The following ITIH2 variants were observed in gnomAD, a reference collection of about 807,000 sequenced individuals.
ITIH2 encodes inter-alpha-trypsin inhibitor heavy chain 2.
In ITIH2, 103 loss-of-function variants were observed where a neutral mutation model predicts 104.4. That is an observed-to-expected ratio of 0.99 (90% CI 0.84 to 1.16). ITIH2 has a LOEUF of 1.16. Among genes scored for constraint, ITIH2 ranks in the 50% most tolerant of loss-of-function variants. The probability of loss-of-function intolerance (pLI) is 0.00; values close to 1 mark genes in which losing one functional copy is unlikely to be tolerated. For synonymous variants in ITIH2, 436 were observed against 435.4 expected, an observed-to-expected ratio of 1.00 and a Z score of -0.02; for missense variants, 1,108 against 1,162.4, an observed-to-expected ratio of 0.95 and a Z score of 0.68.
intron 9 of ITIH2, among the ~76,000 whole-genome samples, chr10:7,726,627 G>T (rs1391302319): frequency 3.9e-5 from 6 of 152,204 alleles, no homozygotes; most frequent in Non-Finnish European, 8.8e-5. Flanking sequence ...GAGACTGGGT[G>T]AGTAGATGGA....
intron 5 of ITIH2, among the ~76,000 whole-genome samples, chr10:7,714,162 A>ACT (rs1834823896): frequency 8.2e-6 from 1 of 121,452 alleles, no homozygotes; most frequent in African/African-American, 3.3e-5. Context: ...CTGCACACTC[A>ACT]CTATTTTTTT....
At chr10:7,714,157 C>T (rs1038484506) in intron 5 of ITIH2, among the ~76,000 whole-genome samples, 7 of 147,492 alleles carry the variant, frequency 4.7e-5, no homozygotes, top group Non-Finnish European at 8.9e-5. Context: ...TTGCACTGCA[C>T]ACTCACTATT....
rs747566791 is a variant in ITIH2, at chr10:7,726,940, A to G, written c.985-10A>G. Reference sequence around the variant, plus strand: ...GTAATGGGACCTGTCTTTATTCTCTATTGAAATAGACTGTGGAAGCAATGA... The same window carrying G: ...GTAATGGGACCTGTCTTTATTCTCTGTTGAAATAGACTGTGGAAGCAATGA... On this transcript the variant is annotated splice_polypyrimidine_tract_variant and intron_variant, in intron 9 of 20. Transcript: ENST00000358415. 1.1e-5 allele frequency: 17 copies of G among 1,593,566 alleles called. No individual in the cohort carries two copies. Among genetic ancestry groups the G allele is most frequent in the Admixed American group, 1.7e-5 (1 of 57,770 alleles).
chr10:7,743,471 G>C (rs936575456), intron 17 of ITIH2, among the ~76,000 whole-genome samples: 1 of 151,958 alleles, frequency 6.6e-6, no homozygotes, highest in African/African-American at 2.4e-5. Context: ...ATCTTGTTGT[G>C]ATATAATTAA....
intron 20 of ITIH2, among the ~76,000 whole-genome samples, chr10:7,747,872 T>C (rs7093883): frequency 0.67 from 101,658 of 151,716 alleles, 34,498 homozygotes; most frequent in Non-Finnish European, 0.72. Context: ...GCACTCCAGC[T>C]TGGGTAACAG....
rs200726415 is a variant in ITIH2 at position 7,744,140 on chromosome 10, C to A, written c.2268C>A (p.Ser756Arg). 2.6e-4 allele frequency: 412 copies of A among 1,614,044 alleles called. No individual in the cohort carries two copies. The highest frequency in any genetic ancestry group is 3.2e-4 in the Non-Finnish European group (377 of 1,179,960). ...AGAAGCCCAACAATGGAAAACTAAG[C>A]ACCTATTTTGGAAAACTGGGATTTT... ...GAKKPNNGKL[S>R]TYFGKLGFYF... Residue 756 changes from serine to arginine, a missense_variant, in exon 18 of 21, where the codon AGC becomes AGA. Ser to Arg is a moderately radical substitution (Grantham distance 110). Coordinates refer to ENST00000358415, the MANE Select transcript of ITIH2 (RefSeq NM_002216.3).
chr10:7,741,743 C>G (rs1033627414), intron 16 of ITIH2, among the ~76,000 whole-genome samples: 6 of 59,250 alleles, frequency 1.0e-4, no homozygotes, highest in Admixed American at 2.6e-4. Flanking sequence ...AAGGCCCATT[C>G]TTGGTGTTTC....
rs2026610 is a variant in ITIH2 at position 7,709,537 on chromosome 10, G to T, written c.362+346G>T. Among the ~76,000 whole-genome samples, 797 of 151,974 alleles carry T rather than the reference G, an allele frequency of 5.2e-3. 3 individuals carry two copies. Among genetic ancestry groups the T allele is most frequent in the African/African-American group, 0.018 (756 of 41,434 alleles). ...AAGAGCGTGTGCACAGCAGGTCAAT[G>T]CCATCTGCCATATGTTTCTCTATGG... is the stretch of plus-strand genomic sequence containing the variant. On this transcript the variant is annotated intron_variant, in intron 4 of 20. Transcript: ENST00000358415.
chr10:7,704,340 C>A (rs1488392845), intron 1 of ITIH2, among the ~76,000 whole-genome samples: 1 of 152,334 alleles, frequency 6.6e-6, no homozygotes, highest in Non-Finnish European at 1.5e-5. Context: ...TATTTTCCAA[C>A]ACTTAAAAGC....
intron 17 of ITIH2, among the ~76,000 whole-genome samples, chr10:7,743,715 A>G (rs1471902325): frequency 6.6e-6 from 1 of 152,172 alleles, no homozygotes; most frequent in Non-Finnish European, 1.5e-5. Flanking sequence ...CGGGAGGTGG[A>G]GGTTGCAGTG....
intron 3 of ITIH2, among the ~76,000 whole-genome samples, chr10:7,708,279 C>A (rs549190991): frequency 6.6e-6 from 1 of 152,356 alleles, no homozygotes; most frequent in Admixed American, 6.5e-5. Context: ...CTCTCAGTCA[C>A]CTCCTGAAAG....
chr10:7,744,371 A>G, intron 18 of ITIH2, 91 bp downstream of exon 18: 1 of 1,116,698 alleles, frequency 9.0e-7, no homozygotes, highest in South Asian at 1.4e-5. Context: ...ATTGAAAAAA[A>G]ATCATCATTT....
At chr10:7,741,583 T>C (rs10508333) in intron 16 of ITIH2, among the ~76,000 whole-genome samples, 14,674 of 152,204 alleles carry the variant, frequency 0.096, 796 homozygotes, top group Admixed American at 0.17. Context: ...GAACTGAACA[T>C]TTCTGGCCTG....
In ITIH2 at chr10:7,741,033, G is replaced by A. The variant is rs189157403; in HGVS notation, c.2096-2113G>A. On this transcript the variant is annotated intron_variant, in intron 16 of 20. Transcript: ENST00000358415. ...CAGATTCACTGTTGCCTATCAGAAGGTCTGATTGGCGGGATTTGAGCTAAT... is the reference window on the plus strand; with the variant it reads ...CAGATTCACTGTTGCCTATCAGAAGATCTGATTGGCGGGATTTGAGCTAAT... Among the ~76,000 whole-genome samples, 384 of 152,278 alleles carry A rather than the reference G, an allele frequency of 2.5e-3. 3 individuals are homozygous for A. The highest frequency in any genetic ancestry group is 8.9e-3 in the African/African-American group (369 of 41,548).
chr10:7,738,942 T>C (rs966313222), intron 16 of ITIH2, among the ~76,000 whole-genome samples, 184 bp downstream of exon 16: 3 of 152,240 alleles, frequency 2.0e-5, no homozygotes, highest in Non-Finnish European at 4.4e-5. Context: ...TTTAATCATG[T>C]ATTTACAGAA....
chr10:7,710,523 G>A (rs1174428039), intron 4 of ITIH2, among the ~76,000 whole-genome samples: 2 of 151,962 alleles, frequency 1.3e-5, no homozygotes, highest in African/African-American at 4.8e-5. Flanking sequence ...CATAAAGTCT[G>A]GCTATTTTTT....
In ITIH2 at chr10:7,744,213, A is replaced by G; in HGVS notation, c.2341A>G (p.Thr781Ala). 1 of 1,614,046 alleles carries G rather than the reference A, an allele frequency of 6.2e-7. No individual in the cohort carries two copies. The highest frequency in any genetic ancestry group is 8.5e-7 in the Non-Finnish European group (1 of 1,180,000). Residue 781 changes from threonine to alanine, a missense_variant, in exon 18 of 21, where the codon ACC becomes GCC. Transcript: ENST00000358415. ...IKIEISTETI[T>A]LSHGSSTFSL... ...AATAGAAATCAGCACTGAGACCATC[A>G]CCCTGAGCCATGGTTCTAGCACATT...
intron 14 of ITIH2, among the ~76,000 whole-genome samples, chr10:7,733,747 T>C (rs1835025627): frequency 6.6e-6 from 1 of 152,038 alleles, no homozygotes; most frequent in African/African-American, 2.4e-5. Context: ...TTGATAAAAG[T>C]TCCCATTCCC....
At chr10:7,727,171 T>C (rs1487787238) in intron 10 of ITIH2, 53 bp downstream of exon 10, 3 of 1,468,050 alleles carry the variant, frequency 2.0e-6, no homozygotes, top group Non-Finnish European at 2.8e-6. Flanking sequence ...GTTCAAATCA[T>C]GATTCACTTA....
Sources: allele counts gnomAD v4.1 joint callset (sites outside exome capture counted in the v4.1 genomes callset), GRCh38; gene constraint gnomAD v4.1.1; transcripts MANE v1.5; gene names NCBI Gene and HGNC (gene_info 2026-07-23, HGNC 2026-07-21).